The following FHIP1A variants were observed in gnomAD, a reference collection of about 807,000 sequenced individuals.
FHIP1A encodes FHF complex subunit HOOK-interacting protein 1A.
Under a neutral mutation model 88.6 loss-of-function variants are expected in FHIP1A, and 61 were observed. The observed-to-expected ratio is 0.69, with a 90% CI of 0.56 to 0.85. The LOEUF (loss-of-function observed/expected upper bound fraction) is 0.85, where lower values mean the gene tolerates loss of function less well. Among genes scored for constraint, FHIP1A ranks in the 40% least tolerant of loss-of-function variants. FHIP1A has a pLI of 0.00. For missense variants in FHIP1A, 1,154 were observed against 1,273.5 expected, an observed-to-expected ratio of 0.91 and a Z score of 1.43; for synonymous variants, 478 against 496.0, an observed-to-expected ratio of 0.96 and a Z score of 0.48.
chr4:151,412,692 T>C (rs1479602300), intron 1 of FHIP1A, among the ~76,000 whole-genome samples: 10 of 143,094 alleles, frequency 7.0e-5, no homozygotes, highest in South Asian at 2.3e-4. Context: ...TCTTTCTTTT[T>C]TTTTTTTTTT....
intron 7 of FHIP1A, among the ~76,000 whole-genome samples, chr4:151,598,381 A>G (rs1329304922): frequency 6.6e-6 from 1 of 152,146 alleles, no homozygotes; most frequent in East Asian, 1.9e-4. Context: ...AACCAGTCCC[A>G]ATGAGATGAA....
intron 3 of FHIP1A, among the ~76,000 whole-genome samples, chr4:151,519,550 C>G (rs1301630851): frequency 6.6e-6 from 1 of 151,588 alleles, no homozygotes; most frequent in Non-Finnish European, 1.5e-5. Context: ...TTCTACAAGT[C>G]TTTTTGTGGA....
rs114659787 is a variant in FHIP1A, at chr4:151,460,629, C to A, written c.-248+5821C>A. Reference sequence around the variant, plus strand: ...TAAACTGCTCCTGATACCTTGGCAGCAGGCCATGTAGTTGTCATATTGTCT... The same window carrying A: ...TAAACTGCTCCTGATACCTTGGCAGAAGGCCATGTAGTTGTCATATTGTCT... On this transcript the variant is annotated intron_variant, in intron 2 of 13. Coordinates refer to ENST00000435205, the MANE Select transcript of FHIP1A (RefSeq NM_001109977.3). Among the ~76,000 whole-genome samples, 401 of 152,370 alleles carry A rather than the reference C, an allele frequency of 2.6e-3. 1 individual carries two copies. The highest frequency in any genetic ancestry group is 9.2e-3 in the African/African-American group (384 of 41,586).
intron 1 of FHIP1A, among the ~76,000 whole-genome samples, chr4:151,437,954 T>C (rs1199294119): frequency 6.6e-6 from 1 of 152,218 alleles, no homozygotes; most frequent in Admixed American, 6.5e-5. Context: ...TTGTATGTTA[T>C]TCAAGTCATG....
chr4:151,454,372 T>C (rs1426286322), intron 1 of FHIP1A, among the ~76,000 whole-genome samples: 1 of 152,196 alleles, frequency 6.6e-6, no homozygotes, highest in Non-Finnish European at 1.5e-5. Flanking sequence ...TAGGTAACTT[T>C]GGGTCTGCTT....
chr4:151,456,721 G>T (rs1348888944), intron 2 of FHIP1A, among the ~76,000 whole-genome samples: 3 of 151,666 alleles, frequency 2.0e-5, no homozygotes, highest in African/African-American at 7.3e-5. Flanking sequence ...AATAACTATT[G>T]TTATGCCCTT....
intron 3 of FHIP1A, among the ~76,000 whole-genome samples, chr4:151,538,074 A>G (rs953264320): frequency 3.9e-5 from 6 of 152,204 alleles, no homozygotes; most frequent in Non-Finnish European, 8.8e-5. Context: ...AGTCAGAAGC[A>G]GCAAACTTTG....
intron 2 of FHIP1A, among the ~76,000 whole-genome samples, chr4:151,475,786 C>T (rs1282862354): frequency 1.3e-5 from 2 of 151,340 alleles, no homozygotes; most frequent in Non-Finnish European, 2.9e-5. Context: ...GGTTCATCAT[C>T]TTATTAAATA....
rs1157093470 is a variant in FHIP1A, at chr4:151,656,386, G to A, written c.2706G>A (p.Gln902=). Residue 902 remains glutamine, a synonymous_variant, in exon 12 of 14, where the codon CAG becomes CAA. Coordinates refer to ENST00000435205, the MANE Select transcript of FHIP1A (RefSeq NM_001109977.3). The surrounding 1 kb of genome is among the most constrained non-coding windows in gnomAD (Gnocchi z 4.2). ...SFLLNTNMVF[Q]PSVRSLYQVL... is the part of the protein sequence containing the mutation. ...TGCTCAACACCAACATGGTCTTCCA[G>A]CCAAGCGTCCGCTCTCTCTATCAGG... 1 of 1,551,678 alleles carries A rather than the reference G, an allele frequency of 6.4e-7. No homozygotes were observed.
At chr4:151,443,685 C>CTG (rs57147339) in intron 1 of FHIP1A, among the ~76,000 whole-genome samples, 4,275 of 122,118 alleles carry the variant, frequency 0.035, 106 homozygotes, top group Middle Eastern at 0.065. Context: ...ATGAAGCACT[C>CTG]TGTGTGTGTG....
intron 7 of FHIP1A, among the ~76,000 whole-genome samples, chr4:151,611,157 A>C (rs1735311683): frequency 6.6e-6 from 1 of 152,060 alleles, no homozygotes. Flanking sequence ...TAGGTTGATG[A>C]ACTGATGTTT....
At chr4:151,594,897 T>C (rs530813124) in intron 7 of FHIP1A, among the ~76,000 whole-genome samples, 1 of 152,284 alleles carries the variant, frequency 6.6e-6, no homozygotes, top group Non-Finnish European at 1.5e-5. Flanking sequence ...TTATTGTGTC[T>C]ATTTGATTCT....
At chr4:151,471,905 A>G (rs1259585399) in intron 2 of FHIP1A, among the ~76,000 whole-genome samples, 1 of 152,196 alleles carries the variant, frequency 6.6e-6, no homozygotes, top group East Asian at 1.9e-4. Flanking sequence ...AACTTAGAAT[A>G]ATATTCTCCA....
chr4:151,498,879 C>A (rs758830329), intron 3 of FHIP1A, among the ~76,000 whole-genome samples: 8 of 152,170 alleles, frequency 5.3e-5, no homozygotes, highest in Non-Finnish European at 1.0e-4. Context: ...CATCATCAAC[C>A]TCCCTTCCTC....
At chr4:151,568,224 G>A (rs1328470301) in intron 4 of FHIP1A, among the ~76,000 whole-genome samples, 1 of 152,200 alleles carries the variant, frequency 6.6e-6, no homozygotes, top group African/African-American at 2.4e-5. Flanking sequence ...GTTCTCTGAA[G>A]CACAGTACAG....
At chr4:151,502,404 T>TA (rs1313601144) in intron 3 of FHIP1A, among the ~76,000 whole-genome samples, 1 of 151,842 alleles carries the variant, frequency 6.6e-6, no homozygotes, top group Non-Finnish European at 1.5e-5. Flanking sequence ...AATATCAGTT[T>TA]AAAAAAATAG....
At chr4:151,502,922 C>T (rs1480727805) in intron 3 of FHIP1A, among the ~76,000 whole-genome samples, 2 of 152,072 alleles carry the variant, frequency 1.3e-5, no homozygotes, top group East Asian at 3.9e-4. Context: ...ATTTAATGAC[C>T]GTTATACTGA....
At chr4:151,500,485 A>C (rs1730613245) in intron 3 of FHIP1A, among the ~76,000 whole-genome samples, 3 of 149,804 alleles carry the variant, frequency 2.0e-5, no homozygotes, top group Admixed American at 2.0e-4. Context: ...CCTGGGTTTG[A>C]ATCCTGACCC....
At chr4:151,508,180 G>T (rs1730900076) in intron 3 of FHIP1A, among the ~76,000 whole-genome samples, 1 of 152,204 alleles carries the variant, frequency 6.6e-6, no homozygotes, top group Admixed American at 6.5e-5. Flanking sequence ...GTGGCTCTGT[G>T]CTTTTGAGTA....
Sources: gnomAD v4.1 joint callset for allele counts (sites outside exome capture counted in the v4.1 genomes callset) on GRCh38, gnomAD v4.1.1 for gene constraint, Gnocchi (gnomAD v3.1) non-coding constraint, MANE v1.5 for transcripts, NCBI Gene and HGNC (gene_info 2026-07-23, HGNC 2026-07-21) for gene names.